Variants in KLRG1 observed in about 807,000 individuals in gnomAD.
KLRG1 encodes the protein killer cell lectin like receptor G1, also known as killer cell lectin-like receptor subfamily G member 1.
Under a neutral mutation model 21.8 loss-of-function variants are expected in KLRG1, and 16 were observed. That is an observed-to-expected ratio of 0.73 (90% CI 0.50 to 1.11). The LOEUF is 1.11. Among genes scored for constraint, KLRG1 ranks in the 50% most tolerant of loss-of-function variants. The pLI is 0.00. For missense variants in KLRG1, 173 were observed against 218.3 expected, an observed-to-expected ratio of 0.79 and a Z score of 1.31; for synonymous variants, 69 against 75.9, an observed-to-expected ratio of 0.91 and a Z score of 0.47.
At chr12:8,992,344 A>G (rs755633517) in intron 2 of KLRG1, 34 bp downstream of exon 2, 1 of 1,421,542 alleles carries the variant, frequency 7.0e-7, no homozygotes, top group South Asian at 1.2e-5. Flanking sequence ...TTAATCTTTC[A>G]TTTTATATTA....
At chr12:9,095,218 G>A in the KLRG1 span, 1 of 527,534 alleles carries the variant, frequency 1.9e-6, no homozygotes, top group Non-Finnish European at 3.2e-6. Flanking sequence ...TCTGTAGAAG[G>A]GATATTTATA....
chr12:9,180,632 A>G, the KLRG1 span, among the ~76,000 whole-genome samples: 1 of 152,162 alleles, frequency 6.6e-6, no homozygotes, highest in East Asian at 1.9e-4. Context: ...TTCCTTACAC[A>G]TTATACAAAA....
chr12:9,158,743 T>C, the KLRG1 span, among the ~76,000 whole-genome samples: 2 of 113,432 alleles, frequency 1.8e-5, no homozygotes, highest in African/African-American at 3.4e-5. Flanking sequence ...TCTTTTTCTT[T>C]TTTCTTTTCT....
At chr12:9,197,539 G>C in the KLRG1 span, among the ~76,000 whole-genome samples, 3 of 119,050 alleles carry the variant, frequency 2.5e-5, no homozygotes, top group African/African-American at 9.9e-5. Flanking sequence ...TTAATTATTA[G>C]AGTACTGATT....
the KLRG1 span, chr12:9,151,604 C>T: frequency 1.9e-6 from 3 of 1,613,364 alleles, no homozygotes; most frequent in Non-Finnish European, 1.7e-6. Flanking sequence ...GAGCCCTCAC[C>T]TGTTCCACAT....
At chr12:8,979,249 C>T (rs916140970) in intron 1 of KLRG1, among the ~76,000 whole-genome samples, 3 of 152,036 alleles carry the variant, frequency 2.0e-5, no homozygotes, top group Admixed American at 6.6e-5. Context: ...AACTCCTGAC[C>T]TCAGGTGATC....
At chr12:9,044,092 G>A in the KLRG1 span, among the ~76,000 whole-genome samples, 3 of 152,266 alleles carry the variant, frequency 2.0e-5, no homozygotes, top group African/African-American at 7.2e-5. Flanking sequence ...GTTGTTTTAA[G>A]CAAATTAGAT....
chr12:9,143,987 A>G, the KLRG1 span, among the ~76,000 whole-genome samples: 2 of 152,204 alleles, frequency 1.3e-5, no homozygotes, highest in Non-Finnish European at 2.9e-5. Context: ...TGTCCCCAAG[A>G]TTTCTTCTAG....
chr12:9,185,790 A>ATTTCTTTTGTTTTCTTTTCT, the KLRG1 span, among the ~76,000 whole-genome samples: 1 of 134,266 alleles, frequency 7.4e-6, no homozygotes, highest in Non-Finnish European at 1.6e-5. Context: ...TATGTTCAAC[A>ATTTCTTTTGTTTTCTTTTCT]TTTCTTTTCT....
chr12:9,063,351 G>A, the KLRG1 span, among the ~76,000 whole-genome samples: 1 of 152,092 alleles, frequency 6.6e-6, no homozygotes, highest in South Asian at 2.1e-4. Context: ...GGGAATATAG[G>A]GTTAGTGGTG....
chr12:9,158,581 G>C, the KLRG1 span: 11 of 1,613,662 alleles, frequency 6.8e-6, no homozygotes, highest in Middle Eastern at 1.6e-4. Context: ...GTGAGCCTAG[G>C]GGGAGGAAAA....
the KLRG1 span, among the ~76,000 whole-genome samples, chr12:9,050,366 A>G: frequency 6.6e-6 from 1 of 152,196 alleles, no homozygotes; most frequent in Non-Finnish European, 1.5e-5. Context: ...TGTTGTCTCT[A>G]AAAGATTTCA....
chr12:9,212,983 G>A, the KLRG1 span, among the ~76,000 whole-genome samples: 1 of 152,106 alleles, frequency 6.6e-6, no homozygotes, highest in Non-Finnish European at 1.5e-5. Context: ...ACTAATTCGT[G>A]CATTCTCTGC....
chr12:9,031,823 C>T, the KLRG1 span, among the ~76,000 whole-genome samples: 1 of 152,206 alleles, frequency 6.6e-6, no homozygotes, highest in Middle Eastern at 3.2e-3. Flanking sequence ...TCTTTTCTGG[C>T]TGACAATTGG....
chr12:9,092,980 T>C, the KLRG1 span, among the ~76,000 whole-genome samples: 1 of 152,234 alleles, frequency 6.6e-6, no homozygotes, highest in African/African-American at 2.4e-5. Context: ...GGGGAGATTA[T>C]GCTAAGTGAA....
the KLRG1 span, among the ~76,000 whole-genome samples, chr12:9,161,873 T>A: frequency 6.6e-6 from 1 of 152,184 alleles, no homozygotes; most frequent in Non-Finnish European, 1.5e-5. Flanking sequence ...TAGGAAATGC[T>A]ATATGTTTTG....
At chr12:9,180,910 G>C in the KLRG1 span, 2 of 1,512,486 alleles carry the variant, frequency 1.3e-6, no homozygotes, top group Non-Finnish European at 1.8e-6. Flanking sequence ...ATCTGACAAA[G>C]GGCTAATAGA....
At chr12:9,061,011 C>CT in the KLRG1 span, among the ~76,000 whole-genome samples, 1 of 151,902 alleles carries the variant, frequency 6.6e-6, no homozygotes, top group East Asian at 1.9e-4. Flanking sequence ...ATATTATTTC[C>CT]TTTTTTCATC....
the KLRG1 span, among the ~76,000 whole-genome samples, chr12:9,087,233 A>G: frequency 1.9e-5 from 2 of 108,056 alleles, no homozygotes; most frequent in African/African-American, 9.0e-5. Context: ...AATCCCTAAC[A>G]AATTACTGAT....
Sources: allele counts gnomAD v4.1 joint callset (sites outside exome capture counted in the v4.1 genomes callset), GRCh38; gene constraint gnomAD v4.1.1; transcripts MANE v1.5; gene names NCBI Gene and HGNC (gene_info 2026-07-23, HGNC 2026-07-21).